Variants in SYNE1 observed in about 807,000 individuals in gnomAD.
SYNE1 encodes the protein nesprin-1.
Under a neutral mutation model 1,111.0 loss-of-function variants are expected in SYNE1, and 616 were observed. That is an observed-to-expected ratio of 0.55 (90% confidence interval 0.52 to 0.59). The LOEUF (loss-of-function observed/expected upper bound fraction) is 0.59, where lower values mean the gene tolerates loss of function less well. Ranked by LOEUF, SYNE1 falls within the 20% of genes least tolerant of loss-of-function variation. The pLI is 0.00. For synonymous variants in SYNE1, 3,855 were observed against 3,825.8 expected (o/e 1.01, Z -0.28); for missense variants, 10,006 against 10,417.0 (o/e 0.96, Z 1.72).
At chr6:152,392,797 A>T (rs2097666500) in intron 51 of SYNE1, among the ~76,000 whole-genome samples, 1 of 152,242 alleles carries the variant, frequency 6.6e-6, no homozygotes, top group Non-Finnish European at 1.5e-5. Context: ...GTTAAATAAT[A>T]ATTCAAGAAA....
intron 2 of SYNE1, among the ~76,000 whole-genome samples, chr6:152,633,549 A>G (rs1397680532): frequency 6.6e-6 from 1 of 152,152 alleles, no homozygotes; most frequent in Non-Finnish European, 1.5e-5. Flanking sequence ...CACCCAATCA[A>G]TAACCATCTG....
At chr6:152,177,202 TC>T (rs1267716642) in intron 129 of SYNE1, among the ~76,000 whole-genome samples, 1 of 152,198 alleles carries the variant, frequency 6.6e-6, no homozygotes, top group Non-Finnish European at 1.5e-5. Flanking sequence ...CTTAATTTAC[TC>T]ACTTTCTGTG....
chr6:152,342,853 A>G (rs2096559327), intron 74 of SYNE1, among the ~76,000 whole-genome samples: 1 of 152,222 alleles, frequency 6.6e-6, no homozygotes, highest in South Asian at 2.1e-4. Flanking sequence ...CACATGATAA[A>G]AACTAACATT....
intron 114 of SYNE1, among the ~76,000 whole-genome samples, chr6:152,231,176 T>C (rs1562353995): frequency 6.6e-6 from 1 of 152,164 alleles, no homozygotes; most frequent in African/African-American, 2.4e-5. Flanking sequence ...TTTAGAAAAC[T>C]GAAACACCAT....
intron 2 of SYNE1, among the ~76,000 whole-genome samples, chr6:152,631,228 T>C (rs1449420917): frequency 1.3e-5 from 2 of 152,106 alleles, no homozygotes; most frequent in Non-Finnish European, 2.9e-5. Flanking sequence ...TCTTGGTAAA[T>C]GGGTTAGTCA....
intron 3 of SYNE1, among the ~76,000 whole-genome samples, chr6:152,569,671 T>C (rs1272306359): frequency 1.3e-5 from 2 of 152,074 alleles, no homozygotes; most frequent in African/African-American, 4.8e-5. Context: ...AAAAAGAATA[T>C]ACACAAGCTG....
intron 1 of SYNE1, 43 bp from the exon 2 acceptor site, chr6:152,636,848 G>GCCGCGGCCCGGCGC (rs2099706665): frequency 6.6e-6 from 1 of 152,378 alleles, no homozygotes; most frequent in South Asian, 2.1e-4. Flanking sequence ...GCGGCCGGCG[G>GCCGCGGCCCGGCGC]CCGCGGCCCG....
chr6:152,168,144 C>G (rs781039311), intron 130 of SYNE1: 1 of 779,016 alleles, frequency 1.3e-6, no homozygotes, highest in Admixed American at 1.7e-5. Flanking sequence ...TCTGGGAGAT[C>G]TGCATCCACA....
intron 131 of SYNE1, among the ~76,000 whole-genome samples, chr6:152,159,168 G>A (rs1433882725): frequency 6.6e-6 from 1 of 152,182 alleles, no homozygotes; most frequent in Admixed American, 6.5e-5. Flanking sequence ...TTTTCCACAA[G>A]GGAAACTGTG....
intron 90 of SYNE1, 154 bp downstream of exon 90, chr6:152,309,681 A>T: frequency 1.1e-6 from 1 of 932,362 alleles, no homozygotes; most frequent in Non-Finnish European, 1.6e-6. Flanking sequence ...GATCCAAATG[A>T]CAGCATTTTA....
chr6:152,637,204 G>C lies in SYNE1; in HGVS notation c.-407C>G, dbSNP rs2099707179. 1 of 152,270 alleles carries C rather than the reference G, an allele frequency of 6.6e-6. No individual in the cohort carries two copies. The allele number at this position is 152,270 out of a possible 1,614,324, so 9.4% of individuals were successfully genotyped here. A position where few individuals can be genotyped will look rare whatever the true frequency, so the allele number is the denominator to read the frequency against. Reference sequence around the variant, plus strand: ...GCTTCCCTACCTCCTGGAGATGCACGGCCTTGGGCGTTTCTCCGCAGCTGC... The same window carrying C: ...GCTTCCCTACCTCCTGGAGATGCACCGCCTTGGGCGTTTCTCCGCAGCTGC... On this transcript the variant is annotated 5_prime_UTR_variant, in exon 1 of 146. Coordinates refer to ENST00000367255, the MANE Select transcript of SYNE1 (RefSeq NM_182961.4).
intron 98 of SYNE1, among the ~76,000 whole-genome samples, chr6:152,273,134 T>C (rs2093334905): frequency 6.6e-6 from 1 of 152,250 alleles, no homozygotes; most frequent in African/African-American, 2.4e-5. Context: ...CACATTTTTC[T>C]GTATTTACAC....
chr6:152,388,665 A>ATACATCCTGTGCTGG (rs1200387137), intron 53 of SYNE1, among the ~76,000 whole-genome samples: 2 of 152,340 alleles, frequency 1.3e-5, no homozygotes, highest in Non-Finnish European at 2.9e-5. Flanking sequence ...GTATTCCAAA[A>ATACATCCTGTGCTGG]TACATCCTGT....
At chr6:152,555,348 T>C (rs991958546) in intron 3 of SYNE1, among the ~76,000 whole-genome samples, 1 of 152,222 alleles carries the variant, frequency 6.6e-6, no homozygotes, top group Non-Finnish European at 1.5e-5. Flanking sequence ...GTACTTTTTA[T>C]GTTTAGATAT....
At chr6:152,178,431 T>C (rs745407630) in intron 129 of SYNE1, among the ~76,000 whole-genome samples, 3 of 152,182 alleles carry the variant, frequency 2.0e-5, no homozygotes, top group Non-Finnish European at 4.4e-5. Context: ...GTTTTAAGTT[T>C]TACAATATCA....
At chr6:152,390,006 AT>A (rs1438120149) in intron 53 of SYNE1, among the ~76,000 whole-genome samples, 55 of 152,270 alleles carry the variant, frequency 3.6e-4, no homozygotes, top group African/African-American at 1.3e-3. Context: ...TTGAAAGGAG[AT>A]GTTTTGCTGA....
intron 130 of SYNE1, among the ~76,000 whole-genome samples, chr6:152,173,703 T>C (rs1465715308): frequency 6.6e-6 from 1 of 152,120 alleles, no homozygotes; most frequent in Non-Finnish European, 1.5e-5. Flanking sequence ...CAGTGCCTAA[T>C]CTAGTCTAAT....
chr6:152,276,510 G>GA (rs879767527), intron 98 of SYNE1, among the ~76,000 whole-genome samples: 20 of 147,676 alleles, frequency 1.4e-4, no homozygotes, highest in East Asian at 5.9e-4. Flanking sequence ...GCAAAAAGCC[G>GA]AAAAAAAAAA....
chr6:152,151,078 C>T lies in SYNE1; in HGVS notation c.24450+475G>A, dbSNP rs555005363. Among the ~76,000 whole-genome samples, 120 of 151,996 alleles carry T rather than the reference C, an allele frequency of 7.9e-4. 2 individuals are homozygous for T. Among genetic ancestry groups the T allele is most frequent in the African/African-American group, 2.7e-3 (112 of 41,484 alleles). On this transcript the variant is annotated intron_variant, in intron 135 of 145. Transcript: ENST00000367255. ...AAAATACAAAAATACAAAAATTTGC[C>T]GGACTTGGTGGTATGTGCCTGTAAT...
Sources: allele counts gnomAD v4.1 joint callset (sites outside exome capture counted in the v4.1 genomes callset), GRCh38; gene constraint gnomAD v4.1.1; transcripts MANE v1.5; gene names NCBI Gene and HGNC (gene_info 2026-07-23, HGNC 2026-07-21).